SHPRH: variants seen among roughly 807,000 people sequenced by gnomAD.
SHPRH encodes the protein SNF2 histone linker PHD RING helicase, also known as E3 ubiquitin-protein ligase SHPRH.
In SHPRH, 106 loss-of-function variants were observed where a neutral mutation model predicts 202.5. The ratio of observed to expected loss-of-function variants is 0.52; its 90% confidence interval spans 0.45 to 0.62. The LOEUF is 0.62. Ranked by LOEUF, SHPRH falls within the 20% of genes least tolerant of loss-of-function variation. SHPRH has a pLI of 0.00. For synonymous variants in SHPRH, 729 were observed against 686.0 expected, an observed-to-expected ratio of 1.06 and a Z score of -0.98; for missense variants, 1,710 against 2,020.0, an observed-to-expected ratio of 0.85 and a Z score of 2.94.
At chr6:145,935,823 A>G in intron 11 of SHPRH, 1 of 162,216 alleles carries the variant, frequency 6.2e-6, no homozygotes, top group East Asian at 1.8e-4. Flanking sequence ...GCTGGATTGG[A>G]AAAAAGAATT....
chr6:145,935,307 T>C lies in SHPRH; in HGVS notation c.2704A>G (p.Arg902Gly). ...LYSFIAKILW[R>G]SAKKDVIDQI... ...TCAATCACATCTTTCTTTGCAGACC[T>C]CCACAGTATCTTGGCAATAAAGCTG... Residue 902 changes from arginine to glycine, a missense_variant, in exon 12 of 30, where the codon AGG becomes GGG. Physicochemically the swap from Arg to Gly is moderately radical, Grantham distance 125 (BLOSUM62 -2). Coordinates refer to ENST00000275233, the MANE Select transcript of SHPRH (RefSeq NM_001042683.3). 1 of 1,614,080 alleles carries C rather than the reference T, an allele frequency of 6.2e-7. No homozygotes were observed. Among genetic ancestry groups the C allele is most frequent in the Non-Finnish European group, 8.5e-7 (1 of 1,180,000 alleles).
downstream of SHPRH, chr6:145,881,456 T>C (rs182956172): frequency 2.0e-5 from 3 of 152,266 alleles, no homozygotes; most frequent in East Asian, 5.8e-4. Context: ...CCTAGGGCCC[T>C]TCAGACTCCT....
chr6:145,922,382 A>G, intron 19 of SHPRH, 34 bp from the exon 20 acceptor site: 1 of 1,544,252 alleles, frequency 6.5e-7, no homozygotes, highest in East Asian at 2.5e-5. Context: ...AATATTCACA[A>G]ACATAACCAG....
At chr6:145,956,645 A>C (rs1370559520) in intron 1 of SHPRH, among the ~76,000 whole-genome samples, 1 of 152,168 alleles carries the variant, frequency 6.6e-6, no homozygotes, top group Non-Finnish European at 1.5e-5. Flanking sequence ...ATGTGTATAA[A>C]TATAGTAAAC....
rs1348979634 is a variant in SHPRH, at chr6:145,955,288, C to T, written c.35G>A (p.Arg12Lys). 1 of 1,607,872 alleles carries T rather than the reference C, an allele frequency of 6.2e-7. No individual in the cohort carries two copies. Among genetic ancestry groups the T allele is most frequent in the Non-Finnish European group, 8.5e-7 (1 of 1,178,346 alleles). Residue 12 changes from arginine (R) to lysine (K), a missense_variant, in exon 2 of 30, where the codon AGG (arginine) becomes AAG (lysine). By Grantham distance (26) the Arg-to-Lys change is conservative. This residue lies in a region of SHPRH where 459 missense variants were observed against 426.5 expected (regional missense o/e 1.08). Coordinates refer to ENST00000275233, the MANE Select transcript of SHPRH (RefSeq NM_001042683.3). Reference sequence around the variant, plus strand: ...CTGCTGCCTCTTTTCCTCATCTACCCTCACTGGAGGAGCACGTTTCCGTCG... The same window carrying T: ...CTGCTGCCTCTTTTCCTCATCTACCTTCACTGGAGGAGCACGTTTCCGTCG... ...SSRRKRAPPV[R>K]VDEEKRQQLH...
chr6:145,894,189 G>C lies in SHPRH; in HGVS notation c.4656C>G (p.Asn1552Lys). 1.9e-6 allele frequency: 3 copies of C among 1,605,870 alleles called. No homozygotes were observed. The highest frequency in any genetic ancestry group is 2.5e-6 in the Non-Finnish European group (3 of 1,176,714). ...CACGACTGATTTGTGCAAATTCCAT[G>C]TTGTTGTCAGTAAGAGCTTTTGAAA... is the stretch of plus-strand genomic sequence containing the variant. ...DIISKALTDN[N>K]MEFAQISRVK... The change falls in exon 27 of 30, where the codon AAC becomes AAG. Residue 1552 changes from asparagine (N) to lysine (K), a missense_variant. Around this residue, in one of 8 missense-constraint regions of SHPRH, gnomAD observed 306 missense variants for 479.5 expected, o/e 0.64. Coordinates refer to ENST00000275233, the MANE Select transcript of SHPRH (RefSeq NM_001042683.3).
chr6:145,935,315 A>G lies in SHPRH; in HGVS notation c.2696T>C (p.Ile899Thr), dbSNP rs1039901359. The G allele has an allele frequency of 6.8e-6, 11 of 1,613,950 alleles. No individual in the cohort carries two copies. The African/African-American group carries it at 1.2e-4, about 18-fold the overall frequency. Reference protein sequence around the residue: ...PQHLYSFIAKILWRSAKKDVI... With the variant: ...PQHLYSFIAKTLWRSAKKDVI... ...ATCTTTCTTTGCAGACCTCCACAGT[A>G]TCTTGGCAATAAAGCTGTAGAGATG... Residue 899 changes from isoleucine to threonine, a missense_variant, in exon 12 of 30, where the codon ATA (isoleucine) becomes ACA (threonine). Coordinates refer to ENST00000275233, the MANE Select transcript of SHPRH (RefSeq NM_001042683.3).
rs1177856578 is a variant in SHPRH at position 145,924,834 on chromosome 6, G to A, written c.3307C>T (p.Arg1103Ter). ...TTACACTTGCTCATGTAGTGCTCTC[G>A]CAGCTGTTTGGCCTGTGTTGAAACA... is the stretch of plus-strand genomic sequence containing the variant. ...GRLEEEAKQL[R>*]EHYMSKCNTE... The change falls in exon 17 of 30, where the codon CGA (arginine) becomes TGA (stop). Residue 1103 changes from arginine (R) to a stop codon, truncating the protein, a stop_gained. Coordinates refer to ENST00000275233, the MANE Select transcript of SHPRH (RefSeq NM_001042683.3). LOFTEE classifies it high-confidence loss of function. 3.7e-6 allele frequency: 6 copies of A among 1,610,950 alleles called. No individual in the cohort carries two copies. Among genetic ancestry groups the A allele is most frequent in the Non-Finnish European group, 5.1e-6 (6 of 1,177,982 alleles).
At chr6:145,925,597 G>C (rs1784807742) in intron 16 of SHPRH, among the ~76,000 whole-genome samples, 1 of 151,640 alleles carries the variant, frequency 6.6e-6, no homozygotes, top group Non-Finnish European at 1.5e-5. Flanking sequence ...TCCACTTACA[G>C]GTTCAATACA....
Position 145,893,008 on chromosome 6 carries a change from G to A in SHPRH, c.4874+207C>T, listed in dbSNP as rs185749427. ...TGGGGGTTTGCTTCTTGGAGAGAAG[G>A]GAGGGTTGGAAATCTCATGCCTTTC... On this transcript the variant is annotated intron_variant, in intron 28 of 29. Coordinates refer to ENST00000275233, the MANE Select transcript of SHPRH (RefSeq NM_001042683.3). Among the ~76,000 whole-genome samples, 112 of 151,642 alleles carry A rather than the reference G, an allele frequency of 7.4e-4. 1 individual carries two copies. Among genetic ancestry groups the A allele is most frequent in the Admixed American group, 2.6e-3 (40 of 15,196 alleles).
chr6:145,910,598 T>C lies in SHPRH; in HGVS notation c.4365A>G (p.Glu1455=), dbSNP rs1418395527. The change falls in exon 25 of 30, where the codon GAA becomes GAG. Residue 1455 remains glutamate, a synonymous_variant. Coordinates refer to ENST00000275233, the MANE Select transcript of SHPRH (RefSeq NM_001042683.3). The part of the protein sequence containing the change: ...VLTCGHCFCN[E]CISIIIEQYS... ...ATTGTTCAATAATTATAGAAATGCATTCATTACAGAAACAGTGACCACAGG... is the reference window on the plus strand; with the variant it reads ...ATTGTTCAATAATTATAGAAATGCACTCATTACAGAAACAGTGACCACAGG... 1.9e-6 allele frequency: 3 copies of C among 1,612,844 alleles called. No individual in the cohort carries two copies. Among genetic ancestry groups the C allele is most frequent in the East Asian group, 4.5e-5 (2 of 44,746 alleles).
chr6:145,932,976 A>C, intron 14 of SHPRH, 81 bp downstream of exon 14: 2 of 1,462,680 alleles, frequency 1.4e-6, no homozygotes, highest in Non-Finnish European at 1.8e-6. Flanking sequence ...CCCCCCCCAA[A>C]AATCAAAATC....
chr6:145,958,709 G>A (rs1027796511), intron 1 of SHPRH, among the ~76,000 whole-genome samples: 8 of 152,234 alleles, frequency 5.3e-5, no homozygotes, highest in Admixed American at 4.6e-4. Flanking sequence ...TTTCAATACA[G>A]TTATGCATTG....
downstream of SHPRH, among the ~76,000 whole-genome samples, chr6:145,882,213 A>C (rs1780630169): frequency 1.3e-5 from 2 of 152,202 alleles, no homozygotes; most frequent in Admixed American, 1.3e-4. Context: ...ATCCCTTAAA[A>C]ATAAATCACT....
In SHPRH at chr6:145,885,850, TAAA is replaced by T. The variant is rs375388641; in HGVS notation, c.*838_*840del. On this transcript the variant is annotated 3_prime_UTR_variant, in exon 30 of 30. Transcript: ENST00000275233. ...TCCAAGACATCAGTATAATAATGAT[TAAA>T]AAAAAAACCCTGCCATATTTCCATG... 1.4e-5 allele frequency: 2 copies of T among 146,432 alleles called. No individual in the cohort carries two copies. The highest frequency in any genetic ancestry group is 4.4e-4 in the South Asian group (2 of 4,584). 9.1% of individuals were successfully genotyped at this position (146,432 alleles called of 1,614,324 possible). A position where few individuals can be genotyped will look rare whatever the true frequency, so the allele number is the denominator to read the frequency against.
intron 2 of SHPRH, among the ~76,000 whole-genome samples, chr6:145,879,010 T>C (rs1414041424): frequency 6.6e-6 from 1 of 152,222 alleles, no homozygotes; most frequent in Non-Finnish European, 1.5e-5. Flanking sequence ...TTGGTACTAT[T>C]AAAACTTCCT....
intron 9 of SHPRH, among the ~76,000 whole-genome samples, 166 bp downstream of exon 9, chr6:145,942,977 T>G (rs2128782064): frequency 6.6e-6 from 1 of 152,304 alleles, no homozygotes; most frequent in East Asian, 1.9e-4. Flanking sequence ...ATTGTACTGT[T>G]CTAGTTCTTA....
Position 145,954,788 on chromosome 6 carries a change from A to C in SHPRH, c.535T>G (p.Ser179Ala), listed in dbSNP as rs985298789. The stretch of plus-strand genomic sequence containing the variant: ...TCTAACATTTCACCACTGAAGGATG[A>C]CTCCACCAGAATACCCTTGTCACAA... Reference protein sequence around the residue: ...SICDKGILVESSFSGEMLEDL... With the variant: ...SICDKGILVEASFSGEMLEDL... The change falls in exon 2 of 30, where the codon TCA becomes GCA. Residue 179 changes from serine (S) to alanine (A), a missense_variant. Around this residue, in one of 8 missense-constraint regions of SHPRH, gnomAD observed 459 missense variants for 426.5 expected, o/e 1.08. Transcript: ENST00000275233. 3.1e-6 allele frequency: 5 copies of C among 1,613,308 alleles called. No individual in the cohort carries two copies. The highest frequency in any genetic ancestry group is 4.2e-6 in the Non-Finnish European group (5 of 1,179,754).
chr6:145,933,278 G>A lies in SHPRH; in HGVS notation c.2991-100C>T, dbSNP rs1785669687. ...ACATGATCAAGAGTGTATGAGACTC[G>A]CAGTTTTTGTGGTATCTCTAGCATT... On this transcript the variant is annotated intron_variant, in intron 13 of 29. Transcript: ENST00000275233. The A allele has an allele frequency of 1.4e-5, 21 of 1,500,302 alleles. No homozygotes were observed. In the Admixed American group the frequency reaches 2.0e-4, roughly 14 times the overall value. The allele number at this position is 1,500,302 out of a possible 1,614,324, so 92.9% of individuals were successfully genotyped here. A position where few individuals can be genotyped will look rare whatever the true frequency, so the allele number is the denominator to read the frequency against.
Sources: gnomAD v4.1 joint callset for allele counts (sites outside exome capture counted in the v4.1 genomes callset) on GRCh38, gnomAD v4.1.1 for gene constraint, gnomAD v4.1.1 regional missense constraint, MANE v1.5 for transcripts, NCBI Gene and HGNC (gene_info 2026-07-23, HGNC 2026-07-21) for gene names.